ST3GAL3: variants seen among roughly 807,000 people sequenced by gnomAD.
ST3GAL3 encodes the protein CMP-N-acetylneuraminate-beta-1,4-galactoside alpha-2,3-sialyltransferase.
Under a neutral mutation model 50.1 loss-of-function variants are expected in ST3GAL3, and 21 were observed. The observed-to-expected ratio is 0.42, with a 90% CI of 0.30 to 0.60. ST3GAL3 has a LOEUF of 0.60. Ranked by LOEUF, ST3GAL3 falls within the 20% of genes least tolerant of loss-of-function variation. The probability of loss-of-function intolerance (pLI) is 0.19; values close to 1 mark genes in which losing one functional copy is unlikely to be tolerated. For synonymous variants in ST3GAL3, 183 were observed against 190.0 expected (o/e 0.96, Z 0.30); for missense variants, 353 against 489.4 (o/e 0.72, Z 2.63).
chr1:43,829,995 C>CTTTT lies in ST3GAL3; in HGVS notation c.210-8197_210-8194dup, dbSNP rs71579312. ...CAACCCACTGCAAGCATAAAAATTCCTTTTTTTTTTTTTTTTTTTTTTTTT... is the reference window on the plus strand; with the variant it reads ...CAACCCACTGCAAGCATAAAAATTCCTTTTTTTTTTTTTTTTTTTTTTTTTTTTT... On this transcript the variant is annotated intron_variant, in intron 4 of 11. Transcript: ENST00000347631. Among the ~76,000 whole-genome samples the CTTTT allele has an allele frequency of 2.5e-3, 174 of 70,132 alleles. 20 individuals are homozygous for CTTTT. Among genetic ancestry groups the CTTTT allele is most frequent in the East Asian group, 4.1e-3 (8 of 1,960 alleles). The allele number at this position is 70,132 out of a possible 152,430, so 46.0% of individuals were successfully genotyped here.
intron 5 of ST3GAL3, among the ~76,000 whole-genome samples, chr1:43,845,706 GT>G (rs779298669): frequency 2.7e-5 from 4 of 147,004 alleles, no homozygotes; most frequent in South Asian, 4.3e-4. Flanking sequence ...TTTATTATTT[GT>G]TTTTTTTTCC....
rs531669398 is a variant in ST3GAL3, at chr1:43,742,139, G to A, written c.118+5759G>A. ...GGATGAATAGAAAAGAGATACTGGA[G>A]GTCAAGTCCTGTTGGGGTGAAAGCA... is the stretch of plus-strand genomic sequence containing the variant. On this transcript the variant is annotated intron_variant, in intron 2 of 11. Coordinates refer to ENST00000347631, the MANE Select transcript of ST3GAL3 (RefSeq NM_006279.5). Among the ~76,000 whole-genome samples, 41 of 152,250 alleles carry A rather than the reference G, an allele frequency of 2.7e-4. No individual in the cohort carries two copies. In the South Asian group the frequency reaches 7.9e-3, roughly 29 times the overall value.
intron 3 of ST3GAL3, among the ~76,000 whole-genome samples, chr1:43,804,168 A>G (rs2059624835): frequency 6.6e-6 from 1 of 152,186 alleles, no homozygotes; most frequent in Non-Finnish European, 1.5e-5. Flanking sequence ...TAGTCCCTGA[A>G]GTGTTGGTAC....
intron 1 of ST3GAL3, among the ~76,000 whole-genome samples, chr1:43,731,378 ATTTTTTTTTT>A: frequency 1.4e-5 from 1 of 69,860 alleles, no homozygotes; most frequent in Middle Eastern, 0.01. Flanking sequence ...CACCCAGCTA[ATTTTTTTTTT>A]TTTTTTTTTT....
At chr1:43,878,144 T>G (rs1304333966) in intron 5 of ST3GAL3, among the ~76,000 whole-genome samples, 1 of 152,176 alleles carries the variant, frequency 6.6e-6, no homozygotes, top group African/African-American at 2.4e-5. Flanking sequence ...ATCTCTTGTC[T>G]CGTGGCCGCA....
At chr1:43,856,702 C>G (rs1162750025) in intron 5 of ST3GAL3, among the ~76,000 whole-genome samples, 1 of 152,220 alleles carries the variant, frequency 6.6e-6, no homozygotes, top group Non-Finnish European at 1.5e-5. Context: ...CTCTCCTTTT[C>G]TCTGCCCACC....
chr1:43,712,833 T>C (rs1024753660), intron 1 of ST3GAL3, among the ~76,000 whole-genome samples: 1 of 152,108 alleles, frequency 6.6e-6, no homozygotes, highest in African/African-American at 2.4e-5. Flanking sequence ...ATGGAGCCTG[T>C]TGGGGGAGTG....
chr1:43,733,568 G>T (rs532690971), intron 1 of ST3GAL3, among the ~76,000 whole-genome samples: 38 of 152,288 alleles, frequency 2.5e-4, no homozygotes, highest in African/African-American at 8.9e-4. Context: ...CCATTGACCT[G>T]TTTTTTCCTC....
At chr1:43,715,084 CT>C (rs1666704898) in intron 1 of ST3GAL3, among the ~76,000 whole-genome samples, 1 of 151,964 alleles carries the variant, frequency 6.6e-6, no homozygotes, top group South Asian at 2.1e-4. Context: ...TCACTGAACC[CT>C]TTTGTTTGGA....
At chr1:43,904,455 G>A (rs1271817850) in intron 9 of ST3GAL3, among the ~76,000 whole-genome samples, 1 of 151,790 alleles carries the variant, frequency 6.6e-6, no homozygotes, top group African/African-American at 2.4e-5. Flanking sequence ...TTTCCTTTGC[G>A]GCCATCACCA....
At chr1:43,822,813 A>C (rs2062281124) in intron 4 of ST3GAL3, among the ~76,000 whole-genome samples, 1 of 152,144 alleles carries the variant, frequency 6.6e-6, no homozygotes, top group South Asian at 2.1e-4. Context: ...CTCTTTCCCC[A>C]CACTCCAGAC....
intron 1 of ST3GAL3, among the ~76,000 whole-genome samples, chr1:43,728,502 T>A (rs1248693957): frequency 6.6e-6 from 1 of 152,150 alleles, no homozygotes; most frequent in Non-Finnish European, 1.5e-5. Context: ...CCCAGCACTT[T>A]GGGAGGCCAA....
At chr1:43,807,558 G>A (rs2060049343) in intron 3 of ST3GAL3, among the ~76,000 whole-genome samples, 1 of 152,206 alleles carries the variant, frequency 6.6e-6, no homozygotes, top group African/African-American at 2.4e-5. Flanking sequence ...AAGCAGGATT[G>A]TGATATGGCC....
At chr1:43,774,738 A>T (rs1169569739) in intron 2 of ST3GAL3, among the ~76,000 whole-genome samples, 1 of 152,220 alleles carries the variant, frequency 6.6e-6, no homozygotes, top group Non-Finnish European at 1.5e-5. Flanking sequence ...ACCTGTTTCC[A>T]GATCCTGTTT....
At chr1:43,852,471 A>G (rs909562501) in intron 5 of ST3GAL3, among the ~76,000 whole-genome samples, 10 of 152,076 alleles carry the variant, frequency 6.6e-5, no homozygotes, top group African/African-American at 2.2e-4. Context: ...ATTGGCTGGT[A>G]TTTCTTCTCC....
rs540493459 is a variant in ST3GAL3, at chr1:43,823,949, T to G, written c.209+9016T>G. On this transcript the variant is annotated intron_variant, in intron 4 of 11. Transcript: ENST00000347631. ...TTTTTTACTTTTCTCACTATTCAAC[T>G]TAGCTTTCTGTTTTTTCCAAATTCA... Among the ~76,000 whole-genome samples, 6 of 152,382 alleles carry G rather than the reference T, an allele frequency of 3.9e-5. No homozygotes were observed. In the South Asian group the frequency reaches 1.2e-3, roughly 32 times the overall value.
intron 2 of ST3GAL3, among the ~76,000 whole-genome samples, chr1:43,777,312 A>G (rs1263800790): frequency 6.6e-6 from 1 of 152,358 alleles, no homozygotes; most frequent in Admixed American, 6.5e-5. Context: ...TTGAGCTCAT[A>G]TAGCCAAGAC....
intron 9 of ST3GAL3, among the ~76,000 whole-genome samples, chr1:43,906,595 C>T (rs1401728785): frequency 1.3e-5 from 2 of 148,804 alleles, no homozygotes; most frequent in Non-Finnish European, 3.0e-5. Flanking sequence ...CCTCTTCCTG[C>T]CACTCTTCCT....
rs986849607 is a variant in ST3GAL3 at position 43,899,668 on chromosome 1, G to C, written c.685G>C (p.Ala229Pro). ...QYERDSLFVL[A>P]GFKWQDFKWL... ...CGAGCGCGATTCTCTCTTTGTCCTC[G>C]CCGGCTTCAAGTGGCAGGACTTTAA... The change falls in exon 9 of 12, where the codon GCC becomes CCC. Residue 229 changes from alanine (A) to proline (P), a missense_variant. Coordinates refer to ENST00000347631, the MANE Select transcript of ST3GAL3 (RefSeq NM_006279.5). The surrounding 1 kb of genome is among the most constrained non-coding windows in gnomAD (Gnocchi z 5.4). The C allele has an allele frequency of 6.2e-7, 1 of 1,613,986 alleles. No individual in the cohort carries two copies. Among genetic ancestry groups the C allele is most frequent in the Non-Finnish European group, 8.5e-7 (1 of 1,180,036 alleles).
Sources: allele counts gnomAD v4.1 joint callset (sites outside exome capture counted in the v4.1 genomes callset), GRCh38; gene constraint gnomAD v4.1.1; non-coding constraint Gnocchi (gnomAD v3.1); transcripts MANE v1.5; gene names NCBI Gene and HGNC (gene_info 2026-07-23, HGNC 2026-07-21).